Variants in FAT1 observed in about 807,000 individuals in gnomAD.
FAT1 encodes protocadherin Fat 1.
In FAT1, 171 loss-of-function variants were observed where a neutral mutation model predicts 329.8. That is an observed-to-expected ratio of 0.52 (90% CI 0.46 to 0.59). The LOEUF (loss-of-function observed/expected upper bound fraction) is 0.59. Among genes scored for constraint, FAT1 ranks in the 20% least tolerant of loss-of-function variants. The pLI is 0.00. For synonymous variants in FAT1, 2,233 were observed against 2,228.6 expected, an observed-to-expected ratio of 1.00 and a Z score of -0.06; for missense variants, 5,672 against 5,774.4, an observed-to-expected ratio of 0.98 and a Z score of 0.57.
chr4:186,654,737 C>T (rs1187501921), intron 3 of FAT1, among the ~76,000 whole-genome samples: 1 of 151,918 alleles, frequency 6.6e-6, no homozygotes, highest in Non-Finnish European at 1.5e-5. Flanking sequence ...CGGTGAGACC[C>T]CTGCCTCTAC....
At chr4:186,598,404 C>T in intron 22 of FAT1, 1 of 299,670 alleles carries the variant, frequency 3.3e-6, no homozygotes, top group South Asian at 1.1e-4. Context: ...CAGTTCTTTA[C>T]CTGAGTGACC....
At position 186,610,046 on chromosome 4, in the gene FAT1, T is replaced by C. The variant is rs569513455; in HGVS notation, c.9854-31A>G. 9.5e-6 allele frequency: 13 copies of C among 1,368,732 alleles called. 1 individual carries two copies. In the African/African-American group the frequency reaches 1.9e-4, roughly 19 times the overall value. The allele number at this position is 1,368,732 out of a possible 1,614,324, so 84.8% of individuals were successfully genotyped here. On this transcript the variant is annotated intron_variant, in intron 14 of 26. Coordinates refer to ENST00000441802, the MANE Select transcript of FAT1 (RefSeq NM_005245.4). Reference sequence around the variant, plus strand: ...TAGAAATCAAAATTACTTCCAGCATTCTGCAATGCCACCACATTTTCCCAC... The same window carrying C: ...TAGAAATCAAAATTACTTCCAGCATCCTGCAATGCCACCACATTTTCCCAC...
At chr4:186,639,050 T>C (rs1177240679) in intron 4 of FAT1, among the ~76,000 whole-genome samples, 2 of 152,198 alleles carry the variant, frequency 1.3e-5, no homozygotes, top group Non-Finnish European at 2.9e-5. Context: ...GTATTTACTA[T>C]TAGCCAAAAA....
At chr4:186,715,819 C>G (rs1279915929) in intron 1 of FAT1, among the ~76,000 whole-genome samples, 2 of 152,164 alleles carry the variant, frequency 1.3e-5, no homozygotes, top group Non-Finnish European at 2.9e-5. Context: ...GAGAAGGGCT[C>G]CCAGTCTAAA....
At chr4:186,648,023 AC>A (rs1741459690) in intron 3 of FAT1, among the ~76,000 whole-genome samples, 1 of 152,200 alleles carries the variant, frequency 6.6e-6, no homozygotes, top group Non-Finnish European at 1.5e-5. Flanking sequence ...AAGGAGCACT[AC>A]AAAAACCAGC....
intron 20 of FAT1, chr4:186,601,746 A>AT (rs1187288818): frequency 5.2e-6 from 1 of 191,512 alleles, no homozygotes; most frequent in Non-Finnish European, 1.1e-5. Flanking sequence ...CCTCAAGGTG[A>AT]TTTAAGAAAC....
intron 2 of FAT1, among the ~76,000 whole-genome samples, chr4:186,699,600 T>A (rs1744203554): frequency 6.6e-6 from 1 of 152,188 alleles, no homozygotes. Context: ...CAAGTCCATT[T>A]ATTCCTAGTA....
chr4:186,646,906 T>A (rs1421225222), intron 3 of FAT1, among the ~76,000 whole-genome samples: 1 of 152,170 alleles, frequency 6.6e-6, no homozygotes, highest in Non-Finnish European at 1.5e-5. Context: ...AGAGGCTCTG[T>A]GCTTAGCTGT....
chr4:186,670,391 C>T (rs775803131), intron 2 of FAT1, among the ~76,000 whole-genome samples: 1 of 152,192 alleles, frequency 6.6e-6, no homozygotes, highest in Non-Finnish European at 1.5e-5. Context: ...CAGGCAACAA[C>T]AGACAGAAAC....
chr4:186,652,851 T>G (rs527911470), intron 3 of FAT1, among the ~76,000 whole-genome samples: 14 of 152,346 alleles, frequency 9.2e-5, no homozygotes, highest in Non-Finnish European at 1.6e-4. Context: ...TAACACATGA[T>G]GAGCACCCAG....
At chr4:186,697,060 C>A (rs1028642640) in intron 2 of FAT1, among the ~76,000 whole-genome samples, 1 of 152,072 alleles carries the variant, frequency 6.6e-6, no homozygotes, top group African/African-American at 2.4e-5. Flanking sequence ...TTAATTAATT[C>A]TGTCTGCCAA....
intron 2 of FAT1, among the ~76,000 whole-genome samples, chr4:186,682,698 T>G (rs549390779): frequency 1.4e-4 from 21 of 152,146 alleles, no homozygotes; most frequent in Non-Finnish European, 2.2e-4. Context: ...CAAAAGAAAG[T>G]CTGTTAGCAA....
intron 2 of FAT1, among the ~76,000 whole-genome samples, chr4:186,689,798 C>T (rs13148008): frequency 0.013 from 1,923 of 152,280 alleles, 45 homozygotes; most frequent in African/African-American, 0.044. Context: ...CCACACGACT[C>T]GACTCCGCAC....
intron 1 of FAT1, among the ~76,000 whole-genome samples, chr4:186,721,718 T>C (rs1391769293): frequency 6.6e-6 from 1 of 151,980 alleles, no homozygotes; most frequent in East Asian, 1.9e-4. Context: ...TAAGATCCTA[T>C]CCACCTCTAA....
chr4:186,632,697 T>C (rs1740650773), intron 7 of FAT1, among the ~76,000 whole-genome samples: 1 of 152,230 alleles, frequency 6.6e-6, no homozygotes, highest in Non-Finnish European at 1.5e-5. Flanking sequence ...TATCTACCCA[T>C]TTATTAATCG....
At position 186,611,371 on chromosome 4, in the gene FAT1, T is replaced by A. The variant is rs778787123; in HGVS notation, c.9853+15A>T. The A allele has an allele frequency of 8.2e-6, 13 of 1,587,902 alleles. 1 individual carries two copies. Among genetic ancestry groups the A allele is most frequent in the Non-Finnish European group, 9.4e-6 (11 of 1,166,602 alleles). ...GTGGAATGAAGGGTTTCCTCTCAGA[T>A]ACATGGTAGGTTACCTGTTTTAGAA... On this transcript the variant is annotated intron_variant, in intron 14 of 26. Transcript: ENST00000441802.
At position 186,588,976 on chromosome 4, in the gene FAT1, G is replaced by A. The variant is rs769246798; in HGVS notation, c.13383C>T (p.Ser4461=). 2 of 1,613,954 alleles carry A rather than the reference G, an allele frequency of 1.2e-6. No individual in the cohort carries two copies. The highest frequency in any genetic ancestry group is 1.1e-5 in the South Asian group (1 of 91,084). Residue 4461 remains serine (S), a synonymous_variant, in exon 27 of 27, where the codon TCC becomes TCT. Transcript: ENST00000441802. ...CAGGCATGTCTCTAGGAGGGTGGATGGATTCAAACTGATTGCTGAATTCGG... is the reference window on the plus strand; with the variant it reads ...CAGGCATGTCTCTAGGAGGGTGGATAGATTCAAACTGATTGCTGAATTCGG... ...LPPEFSNQFE[S]IHPPRDMPAA... is the part of the protein sequence containing the mutation.
chr4:186,691,545 A>T (rs1278514100), intron 2 of FAT1, among the ~76,000 whole-genome samples: 1 of 152,204 alleles, frequency 6.6e-6, no homozygotes, highest in Non-Finnish European at 1.5e-5. Context: ...TCACATCTGT[A>T]ATGTCAGCGC....
In FAT1 at chr4:186,617,839, G is replaced by C. The variant is rs2126488502; in HGVS notation, c.8747C>G (p.Pro2916Arg). ...VTVTDVNDSP[P>R]RFTAEIYKGT... Reference sequence around the variant, plus strand: ...TTTATAGATCTCGGCCGTGAATCGTGGTGGACTATCGTTGACATCGGTGAC... The same window carrying C: ...TTTATAGATCTCGGCCGTGAATCGTCGTGGACTATCGTTGACATCGGTGAC... Residue 2916 changes from proline (P) to arginine (R), a missense_variant, in exon 10 of 27, where the codon CCA (proline) becomes CGA (arginine). Physicochemically the swap from Pro to Arg is moderately radical, Grantham distance 103 (BLOSUM62 -2). This residue lies in a region of FAT1 where 3,966 missense variants were observed against 3,915.2 expected (regional missense o/e 1.01). Transcript: ENST00000441802. 1 of 1,613,850 alleles carries C rather than the reference G, an allele frequency of 6.2e-7. No individual in the cohort carries two copies. Among genetic ancestry groups the C allele is most frequent in the Non-Finnish European group, 8.5e-7 (1 of 1,179,862 alleles).
Sources: allele counts gnomAD v4.1 joint callset (sites outside exome capture counted in the v4.1 genomes callset), GRCh38; gene constraint gnomAD v4.1.1; regional missense constraint gnomAD v4.1.1; transcripts MANE v1.5; gene names NCBI Gene and HGNC (gene_info 2026-07-23, HGNC 2026-07-21).